The following LRRC4C variants were observed in gnomAD, a reference collection of about 807,000 sequenced individuals.
The protein encoded by LRRC4C is leucine rich repeat containing 4C.
A neutral mutation model predicts 33.6 loss-of-function variants in LRRC4C; 5 were observed. The observed-to-expected ratio is 0.15, with a 90% CI of 0.08 to 0.31. The LOEUF (loss-of-function observed/expected upper bound fraction) is 0.31. Ranked by LOEUF, LRRC4C falls within the 10% of genes least tolerant of loss-of-function variation. The probability of loss-of-function intolerance (pLI) is 1.00; values close to 1 mark genes in which losing one functional copy is unlikely to be tolerated. For synonymous variants in LRRC4C, 329 were observed against 302.0 expected (o/e 1.09, Z -0.93); for missense variants, 560 against 796.7 (o/e 0.70, Z 3.58).
chr11:41,185,394 A>G (rs1321866081), intron 1 of LRRC4C, among the ~76,000 whole-genome samples: 2 of 152,242 alleles, frequency 1.3e-5, no homozygotes, highest in East Asian at 3.8e-4. Context: ...AAGACAAAGT[A>G]CATATCTCCA....
At chr11:40,235,687 A>T (rs879540157) in intron 5 of LRRC4C, among the ~76,000 whole-genome samples, 20 of 152,330 alleles carry the variant, frequency 1.3e-4, no homozygotes, top group Non-Finnish European at 2.2e-4. Context: ...CCCTCCATAC[A>T]TATCAACATG....
rs77294772 is a variant in LRRC4C, at chr11:40,897,895, C to T, written c.-407+35740G>A. 7.3e-3 allele frequency among the ~76,000 whole-genome samples: 1,112 copies of T among 152,268 alleles called. 19 individuals carry two copies. The highest frequency in any genetic ancestry group is 0.026 in the African/African-American group (1,068 of 41,544). On this transcript the variant is annotated intron_variant, in intron 2 of 6. Transcript: ENST00000528697. ...TACCCCATGGCATACCATGCCATAC[C>T]GCTCCCGTTGAGTTGCATGTGCATG...
intron 1 of LRRC4C, among the ~76,000 whole-genome samples, chr11:41,058,096 G>A (rs1036476765): frequency 2.0e-5 from 3 of 152,342 alleles, no homozygotes; most frequent in African/African-American, 7.2e-5. Context: ...AAAACAAACA[G>A]GGCTGAGACA....
intron 6 of LRRC4C, among the ~76,000 whole-genome samples, chr11:40,130,336 G>A (rs1323668981): frequency 6.6e-6 from 1 of 151,972 alleles, no homozygotes; most frequent in Non-Finnish European, 1.5e-5. Flanking sequence ...TGAAACTGTT[G>A]CTTCTTTTTT....
chr11:40,559,849 G>T (rs1430614832), intron 3 of LRRC4C, among the ~76,000 whole-genome samples: 3 of 151,912 alleles, frequency 2.0e-5, no homozygotes, highest in African/African-American at 4.8e-5. Context: ...TCACATGCTT[G>T]TTGGCCACAA....
At chr11:40,986,124 A>T (rs919379594) in intron 1 of LRRC4C, among the ~76,000 whole-genome samples, 5 of 152,204 alleles carry the variant, frequency 3.3e-5, no homozygotes, top group African/African-American at 1.2e-4. Flanking sequence ...TGAATTTGAA[A>T]TTGTTTCAAA....
At chr11:40,920,635 T>C (rs1354023873) in intron 2 of LRRC4C, among the ~76,000 whole-genome samples, 1 of 152,122 alleles carries the variant, frequency 6.6e-6, no homozygotes, top group Non-Finnish European at 1.5e-5. Context: ...GCCAGTCTCA[T>C]GTTTACTTCT....
intron 3 of LRRC4C, among the ~76,000 whole-genome samples, chr11:40,640,752 C>T (rs1430937141): frequency 2.6e-5 from 4 of 152,020 alleles, no homozygotes; most frequent in African/African-American, 9.7e-5. Flanking sequence ...CCATGGCTCA[C>T]GCCTGTAATC....
chr11:40,941,731 C>T (rs1397149687), intron 1 of LRRC4C, among the ~76,000 whole-genome samples: 1 of 151,952 alleles, frequency 6.6e-6, no homozygotes, highest in Admixed American at 6.6e-5. Context: ...CTTATTTATA[C>T]AAATATTTAT....
intron 2 of LRRC4C, among the ~76,000 whole-genome samples, chr11:40,867,482 A>T (rs1475330658): frequency 6.6e-6 from 1 of 152,228 alleles, no homozygotes; most frequent in East Asian, 1.9e-4. Flanking sequence ...TATCACTATT[A>T]TTGCCCTGTG....
At chr11:41,021,202 A>AGTGT (rs1565308654) in intron 1 of LRRC4C, among the ~76,000 whole-genome samples, 13 of 47,592 alleles carry the variant, frequency 2.7e-4, no homozygotes, top group African/African-American at 6.6e-4. Flanking sequence ...AGAGAGAGAG[A>AGTGT]GAGAGAGAGA....
At chr11:41,028,854 T>C (rs1194037674) in intron 1 of LRRC4C, among the ~76,000 whole-genome samples, 3 of 151,732 alleles carry the variant, frequency 2.0e-5, no homozygotes, top group Non-Finnish European at 4.4e-5. Context: ...CTATAAATTA[T>C]TTTATGGGAT....
chr11:40,271,336 C>T (rs1942681094), intron 4 of LRRC4C, among the ~76,000 whole-genome samples: 1 of 152,090 alleles, frequency 6.6e-6, no homozygotes, highest in Non-Finnish European at 1.5e-5. Flanking sequence ...GCTGCATTTC[C>T]AAATTAGGAA....
At chr11:40,415,369 C>T (rs1377387583) in intron 3 of LRRC4C, among the ~76,000 whole-genome samples, 1 of 152,118 alleles carries the variant, frequency 6.6e-6, no homozygotes, top group Non-Finnish European at 1.5e-5. Flanking sequence ...TTGTAAGTGA[C>T]ATGCGGTGGT....
intron 1 of LRRC4C, among the ~76,000 whole-genome samples, chr11:40,970,408 C>T (rs1178904442): frequency 6.6e-6 from 1 of 152,134 alleles, no homozygotes; most frequent in Non-Finnish European, 1.5e-5. Context: ...TCCCCTTCAC[C>T]TTTCACCATG....
At chr11:40,492,447 C>A (rs1275246527) in intron 3 of LRRC4C, among the ~76,000 whole-genome samples, 1 of 151,970 alleles carries the variant, frequency 6.6e-6, no homozygotes, top group African/African-American at 2.4e-5. Flanking sequence ...GTTTTATTTT[C>A]AAGAATGATT....
intron 1 of LRRC4C, among the ~76,000 whole-genome samples, chr11:41,191,165 T>G (rs1356577106): frequency 6.6e-6 from 1 of 152,178 alleles, no homozygotes; most frequent in Non-Finnish European, 1.5e-5. Context: ...TTTGGTCCCA[T>G]GCAGTCCCAT....
intron 1 of LRRC4C, among the ~76,000 whole-genome samples, chr11:41,274,968 G>T (rs1327189608): frequency 6.6e-6 from 1 of 152,098 alleles, no homozygotes; most frequent in Non-Finnish European, 1.5e-5. Flanking sequence ...GGGTCATGGG[G>T]GTGGATCCCT....
intron 1 of LRRC4C, among the ~76,000 whole-genome samples, chr11:41,304,754 G>A (rs71470180): frequency 9.1e-5 from 7 of 76,722 alleles, no homozygotes; most frequent in Admixed American, 5.1e-4. Flanking sequence ...CAGCCGCCCC[G>A]TCTGGGAGGG....
Sources: gnomAD v4.1 joint callset for allele counts (sites outside exome capture counted in the v4.1 genomes callset) on GRCh38, gnomAD v4.1.1 for gene constraint, MANE v1.5 for transcripts, NCBI Gene and HGNC (gene_info 2026-07-23, HGNC 2026-07-21) for gene names.